The following LRRTM4 variants were observed in gnomAD, a reference collection of about 807,000 sequenced individuals.
The protein encoded by LRRTM4 is leucine rich repeat transmembrane neuronal 4, also known as leucine-rich repeat transmembrane neuronal protein 4.
A neutral mutation model predicts 47.6 loss-of-function variants in LRRTM4; 25 were observed. The observed-to-expected ratio is 0.53, with a 90% CI of 0.38 to 0.73. LRRTM4 has a LOEUF of 0.73. LRRTM4 is among the 30% of genes least tolerant of loss of function. The pLI, the probability that LRRTM4 is intolerant of heterozygous loss-of-function variation, is 0.00. For synonymous variants in LRRTM4, 311 were observed against 269.5 expected (o/e 1.15, Z -1.51); for missense variants, 638 against 713.4 (o/e 0.89, Z 1.20).
chr2:76,987,638 G>A (rs929001475), intron 3 of LRRTM4: 1 of 151,876 alleles, frequency 6.6e-6, no homozygotes, highest in East Asian at 1.9e-4. Context: ...ATCTCTTATG[G>A]TCAGAAAAAT....
At chr2:76,978,234 G>T (rs1390833844) in intron 3 of LRRTM4, among the ~76,000 whole-genome samples, 1 of 152,018 alleles carries the variant, frequency 6.6e-6, no homozygotes, top group Admixed American at 6.6e-5. Context: ...CAGAGGGCAA[G>T]TTTCTTTCCT....
chr2:77,042,044 A>G (rs976105584), intron 3 of LRRTM4, among the ~76,000 whole-genome samples: 3 of 151,502 alleles, frequency 2.0e-5, no homozygotes, highest in African/African-American at 7.3e-5. Context: ...GTGTAATTCA[A>G]TATTTTTAAT....
chr2:76,775,831 T>C (rs1057161371), intron 3 of LRRTM4, among the ~76,000 whole-genome samples: 2 of 152,156 alleles, frequency 1.3e-5, no homozygotes, highest in Admixed American at 1.3e-4. Context: ...TATGTATACA[T>C]GTGCCATGCT....
chr2:76,821,129 TG>T (rs1284023098), intron 3 of LRRTM4, among the ~76,000 whole-genome samples: 8 of 151,724 alleles, frequency 5.3e-5, no homozygotes, highest in Non-Finnish European at 1.0e-4. Flanking sequence ...TTGAGCAGTC[TG>T]TGACCAGGTT....
intron 3 of LRRTM4, among the ~76,000 whole-genome samples, chr2:76,991,852 A>G (rs1024061158): frequency 5.3e-5 from 8 of 151,898 alleles, no homozygotes; most frequent in African/African-American, 1.9e-4. Context: ...CTCAAAGCCA[A>G]TATCCCTGAT....
At chr2:77,008,204 TCTTTAC>T (rs1007640100) in intron 3 of LRRTM4, among the ~76,000 whole-genome samples, 5 of 152,182 alleles carry the variant, frequency 3.3e-5, no homozygotes, top group African/African-American at 1.2e-4. Flanking sequence ...CAAATGGCAA[TCTTTAC>T]CTTTAAGTCC....
chr2:77,019,147 T>C (rs1678177298), intron 3 of LRRTM4, among the ~76,000 whole-genome samples: 1 of 146,968 alleles, frequency 6.8e-6, no homozygotes, highest in Non-Finnish European at 1.5e-5. Flanking sequence ...AGACTTGTTA[T>C]AGAGAGTCAG....
chr2:76,888,203 A>G (rs1417331505), intron 3 of LRRTM4, among the ~76,000 whole-genome samples: 1 of 151,296 alleles, frequency 6.6e-6, no homozygotes, highest in Non-Finnish European at 1.5e-5. Context: ...CTGTGAATGT[A>G]TTCTTGGAAT....
At chr2:77,071,938 T>A (rs192931784) in intron 3 of LRRTM4, among the ~76,000 whole-genome samples, 59 of 152,294 alleles carry the variant, frequency 3.9e-4, no homozygotes, top group African/African-American at 1.3e-3. Context: ...GTGGGTGGTA[T>A]AAAGTATGAG....
chr2:76,764,939 G>T (rs567228092), intron 3 of LRRTM4, among the ~76,000 whole-genome samples: 1 of 152,134 alleles, frequency 6.6e-6, no homozygotes, highest in East Asian at 1.9e-4. Flanking sequence ...TGGAGCCTTG[G>T]GGGCAGGACC....
Position 77,521,668 on chromosome 2 carries a change from C to G in LRRTM4, c.4G>C (p.Gly2Arg), listed in dbSNP as rs1436587732. 1.2e-6 allele frequency: 2 copies of G among 1,611,818 alleles called. No homozygotes were observed. Among genetic ancestry groups the G allele is most frequent in the Non-Finnish European group, 1.7e-6 (2 of 1,179,020 alleles). The change falls in exon 2 of 4, where the codon GGT (glycine) becomes CGT (arginine). Residue 2 changes from glycine (G) to arginine (R), a missense_variant and splice_region_variant. Transcript: ENST00000409884. ...AAGGAAACAACAAAAGTTCACTTAC[C>G]CATCCTTTGTCATCCAAAAACGTTT... M[G>R]FHLITQLKGM... is the part of the protein sequence containing the mutation.
At chr2:77,396,217 ATG>A (rs1374339444) in intron 3 of LRRTM4, among the ~76,000 whole-genome samples, 3 of 152,016 alleles carry the variant, frequency 2.0e-5, no homozygotes, top group Non-Finnish European at 2.9e-5. Flanking sequence ...TCATGTATGT[ATG>A]TGTGTGTTTA....
intron 3 of LRRTM4, among the ~76,000 whole-genome samples, chr2:76,868,290 G>C (rs1049336619): frequency 2.6e-5 from 4 of 152,096 alleles, no homozygotes; most frequent in African/African-American, 9.7e-5. Flanking sequence ...GAATGTGTCA[G>C]ACATAGGACC....
intron 3 of LRRTM4, among the ~76,000 whole-genome samples, chr2:77,014,873 A>T (rs1558798522): frequency 6.6e-6 from 1 of 152,130 alleles, no homozygotes; most frequent in South Asian, 2.1e-4. Flanking sequence ...ATAATATCTC[A>T]TAATTGACTT....
At chr2:77,029,031 TCACACACACA>T (rs201640727) in intron 3 of LRRTM4, among the ~76,000 whole-genome samples, 1 of 98,464 alleles carries the variant, frequency 1.0e-5, no homozygotes, top group Non-Finnish European at 2.2e-5. Flanking sequence ...CGAGAGTCCA[TCACACACACA>T]CACACACACA....
chr2:76,782,463 G>T (rs537234491), intron 3 of LRRTM4, among the ~76,000 whole-genome samples: 1 of 152,216 alleles, frequency 6.6e-6, no homozygotes, highest in Non-Finnish European at 1.5e-5. Flanking sequence ...CATGTTTTAA[G>T]CAAATATTCA....
At chr2:76,890,966 T>C (rs1332275796) in intron 3 of LRRTM4, among the ~76,000 whole-genome samples, 2 of 151,720 alleles carry the variant, frequency 1.3e-5, no homozygotes, top group Admixed American at 1.3e-4. Flanking sequence ...ATGGGGAAAT[T>C]AGAGAAGATC....
intron 3 of LRRTM4, among the ~76,000 whole-genome samples, chr2:77,155,728 GA>G (rs1228660748): frequency 2.0e-5 from 3 of 152,122 alleles, no homozygotes; most frequent in Admixed American, 1.3e-4. Context: ...AGTGACTCTG[GA>G]AGGTTACGGG....
chr2:76,817,746 A>G (rs1670941277), intron 3 of LRRTM4, among the ~76,000 whole-genome samples: 1 of 152,014 alleles, frequency 6.6e-6, no homozygotes, highest in African/African-American at 2.4e-5. Context: ...GTGCTTTAAA[A>G]TATGCTTAAA....
Sources: gnomAD v4.1 joint callset for allele counts (sites outside exome capture counted in the v4.1 genomes callset) on GRCh38, gnomAD v4.1.1 for gene constraint, MANE v1.5 for transcripts, NCBI Gene and HGNC (gene_info 2026-07-23, HGNC 2026-07-21) for gene names.